SLC35F2: variants seen among roughly 807,000 people sequenced by gnomAD.
SLC35F2 encodes the protein solute carrier family 35 member F2, also known as queuine/queuosine transporter SLC35F2.
SLC35F2 carries 25 observed loss-of-function variants against 38.1 expected under a neutral mutation model. The ratio of observed to expected loss-of-function variants is 0.66; its 90% CI spans 0.48 to 0.92. The LOEUF is 0.92. SLC35F2 is among the 40% of genes least tolerant of loss of function. The pLI, the probability that SLC35F2 is intolerant of heterozygous loss-of-function variation, is 0.00. For synonymous variants in SLC35F2, 173 were observed against 181.7 expected (o/e 0.95, Z 0.38); for missense variants, 409 against 452.9 (o/e 0.90, Z 0.88).
chr11:107,812,311 T>TA (rs1859495616), intron 2 of SLC35F2, among the ~76,000 whole-genome samples: 1 of 152,128 alleles, frequency 6.6e-6, no homozygotes, highest in African/African-American at 2.4e-5. Flanking sequence ...AAACCCTAGT[T>TA]AAAGTATCAT....
intron 1 of SLC35F2, among the ~76,000 whole-genome samples, chr11:107,848,287 G>A (rs1860128268): frequency 6.6e-6 from 1 of 152,154 alleles, no homozygotes; most frequent in Non-Finnish European, 1.5e-5. Context: ...AAGGAGAGAA[G>A]GGTGAGGAGA....
intron 4 of SLC35F2, 141 bp downstream of exon 4, chr11:107,806,576 C>T (rs951401744): frequency 1.3e-6 from 1 of 748,236 alleles, no homozygotes; most frequent in African/African-American, 1.7e-5. Flanking sequence ...CTGAATTCAA[C>T]ACAAAGTGTG....
intron 1 of SLC35F2, among the ~76,000 whole-genome samples, chr11:107,816,871 G>A (rs1207575345): frequency 6.6e-6 from 1 of 152,182 alleles, no homozygotes. Flanking sequence ...TGAGAATCAT[G>A]AGCATAAATG....
chr11:107,819,542 G>A (rs998775120), intron 1 of SLC35F2, among the ~76,000 whole-genome samples: 5 of 152,188 alleles, frequency 3.3e-5, no homozygotes, highest in African/African-American at 9.6e-5. Flanking sequence ...TCCTCTTGAA[G>A]GAGTCATGGT....
chr11:107,858,779 C>G lies in SLC35F2; in HGVS notation c.-12G>C. The G allele has an allele frequency of 8.0e-7, 1 of 1,254,124 alleles. No homozygotes were observed. Among genetic ancestry groups the G allele is most frequent in the Non-Finnish European group, 1.0e-6 (1 of 991,380 alleles). 77.7% of individuals were successfully genotyped at this position (1,254,124 alleles called of 1,614,324 possible). A position where few individuals can be genotyped will look rare whatever the true frequency, so the allele number is the denominator to read the frequency against. On this transcript the variant is annotated 5_prime_UTR_variant, in exon 1 of 8. Coordinates refer to ENST00000525815, the MANE Select transcript of SLC35F2 (RefSeq NM_017515.5). Reference sequence around the variant, plus strand: ...GAGTCTGCCTCCATCGGCGCCCTTGCGCGTCTCCGGCGCCCAAAACCCCCG... The same window carrying G: ...GAGTCTGCCTCCATCGGCGCCCTTGGGCGTCTCCGGCGCCCAAAACCCCCG...
At chr11:107,854,215 T>C (rs1860239772) in intron 1 of SLC35F2, among the ~76,000 whole-genome samples, 2 of 151,722 alleles carry the variant, frequency 1.3e-5, no homozygotes, top group Admixed American at 1.3e-4. Context: ...GTGGATCACT[T>C]GAGCCAAAGA....
chr11:107,806,654 A>G, intron 4 of SLC35F2, 63 bp downstream of exon 4: 1 of 1,460,452 alleles, frequency 6.8e-7, no homozygotes, highest in Non-Finnish European at 9.5e-7. Context: ...CTTTGTTGAT[A>G]TAAAAGTGAA....
At chr11:107,800,902 A>ATTTT (rs1859297310) in intron 7 of SLC35F2, among the ~76,000 whole-genome samples, 1 of 112,478 alleles carries the variant, frequency 8.9e-6, no homozygotes, top group African/African-American at 4.6e-5. Context: ...AGCTATTACT[A>ATTTT]CTTTTTTTTT....
intron 1 of SLC35F2, among the ~76,000 whole-genome samples, chr11:107,823,669 C>CT (rs752515015): frequency 4.6e-5 from 7 of 152,012 alleles, no homozygotes; most frequent in Non-Finnish European, 7.4e-5. Flanking sequence ...TGACTCACAC[C>CT]TGTAATTCCA....
At chr11:107,819,501 A>T (rs560718640) in intron 1 of SLC35F2, among the ~76,000 whole-genome samples, 192 of 152,300 alleles carry the variant, frequency 1.3e-3, no homozygotes, top group African/African-American at 4.2e-3. Flanking sequence ...AACCAGATCC[A>T]GAGTTGCTAT....
intron 1 of SLC35F2, among the ~76,000 whole-genome samples, chr11:107,851,970 T>C (rs1158944558): frequency 1.3e-5 from 2 of 152,206 alleles, no homozygotes; most frequent in Non-Finnish European, 2.9e-5. Context: ...GAGAGCTCAA[T>C]AGATGTCTGT....
intron 2 of SLC35F2, among the ~76,000 whole-genome samples, chr11:107,814,937 G>C (rs762207742): frequency 9.2e-5 from 14 of 152,134 alleles, no homozygotes; most frequent in Non-Finnish European, 1.9e-4. Context: ...AATTAGCCAG[G>C]TGTGGTGGTG....
In SLC35F2 at chr11:107,813,242, C is replaced by G. The variant is rs182533551; in HGVS notation, c.287-1448G>C. 5.0e-3 allele frequency among the ~76,000 whole-genome samples: 765 copies of G among 152,126 alleles called. 9 individuals are homozygous for G. The highest frequency in any genetic ancestry group is 0.017 in the African/African-American group (709 of 41,502). ...GGCAGATCACCTGAGGTCAGGAGTTCGAGACCAGCCTGGTCAACATGGAGA... is the reference window on the plus strand; with the variant it reads ...GGCAGATCACCTGAGGTCAGGAGTTGGAGACCAGCCTGGTCAACATGGAGA... On this transcript the variant is annotated intron_variant, in intron 2 of 7. Coordinates refer to ENST00000525815, the MANE Select transcript of SLC35F2 (RefSeq NM_017515.5).
At chr11:107,816,447 A>ATTTTTTTTTTTT (rs5794572) in intron 1 of SLC35F2, among the ~76,000 whole-genome samples, 1 of 118,314 alleles carries the variant, frequency 8.5e-6, no homozygotes, top group Non-Finnish European at 1.7e-5. Context: ...TGCCCAGCTA[A>ATTTTTTTTTTTT]TTTTTTTTTT....
chr11:107,812,693 GTTT>G (rs199601715), intron 2 of SLC35F2, among the ~76,000 whole-genome samples: 10 of 151,578 alleles, frequency 6.6e-5, no homozygotes, highest in African/African-American at 1.9e-4. Context: ...AAATAAAATA[GTTT>G]TTTTTTAAAA....
chr11:107,817,835 G>A (rs933252654), intron 1 of SLC35F2, among the ~76,000 whole-genome samples: 5 of 151,432 alleles, frequency 3.3e-5, no homozygotes, highest in Admixed American at 6.6e-5. Context: ...TGAGGCAGGC[G>A]GATCACAAAG....
In SLC35F2 at chr11:107,805,417, T is replaced by C. The variant is rs1328808735; in HGVS notation, c.673A>G (p.Arg225Gly). 6.2e-7 allele frequency: 1 copy of C among 1,614,208 alleles called. No individual in the cohort carries two copies. Among genetic ancestry groups the C allele is most frequent in the Non-Finnish European group, 8.5e-7 (1 of 1,180,026 alleles). ...CCCACCATTCCTAAAAACTCCTGTC[T>C]GCTCAGCTTCTTCACGATGTATTCC... Reference protein sequence around the residue: ...CEEYIVKKLSRQEFLGMVGLF... With the variant: ...CEEYIVKKLSGQEFLGMVGLF... The change falls in exon 5 of 8, where the codon AGA becomes GGA. Residue 225 changes from arginine to glycine, a missense_variant. Arg to Gly is a moderately radical substitution (Grantham distance 125). Coordinates refer to ENST00000525815, the MANE Select transcript of SLC35F2 (RefSeq NM_017515.5).
At chr11:107,803,908 C>T (rs1859356130) in intron 6 of SLC35F2, among the ~76,000 whole-genome samples, 1 of 152,076 alleles carries the variant, frequency 6.6e-6, no homozygotes, top group Non-Finnish European at 1.5e-5. Flanking sequence ...TCACTGCAAC[C>T]TCCGCCTCCC....
intron 3 of SLC35F2, among the ~76,000 whole-genome samples, chr11:107,807,202 T>C (rs1462971667): frequency 6.8e-6 from 1 of 146,642 alleles, no homozygotes; most frequent in Admixed American, 7.1e-5. Context: ...TGGGAGGCTG[T>C]GGCGGGCAGA....
Sources: allele counts gnomAD v4.1 joint callset (sites outside exome capture counted in the v4.1 genomes callset), GRCh38; gene constraint gnomAD v4.1.1; transcripts MANE v1.5; gene names NCBI Gene and HGNC (gene_info 2026-07-23, HGNC 2026-07-21).